The following GATAD1 variants were observed in gnomAD, a reference collection of about 807,000 sequenced individuals.
GATAD1 encodes the protein GATA zinc finger domain containing 1, also known as GATA zinc finger domain-containing protein 1.
GATAD1 carries 12 observed loss-of-function variants against 26.5 expected under a neutral mutation model. The observed-to-expected ratio is 0.45, with a 90% CI of 0.29 to 0.73. GATAD1 has a LOEUF of 0.73. Among genes scored for constraint, GATAD1 ranks in the 30% least tolerant of loss-of-function variants. GATAD1 has a pLI of 0.10. For synonymous variants in GATAD1, 129 were observed against 133.1 expected (o/e 0.97, Z 0.21); for missense variants, 266 against 342.1 (o/e 0.78, Z 1.75).
chr7:92,458,525 A>G lies in GATAD1; in HGVS notation c.*1963A>G, dbSNP rs1350890757. ...TCTTTGCCGGTTAAGTAAGGGAGCAACACGTAAAATGGGAGAGGAGTGGGG... is the reference window on the plus strand; with the variant it reads ...TCTTTGCCGGTTAAGTAAGGGAGCAGCACGTAAAATGGGAGAGGAGTGGGG... On this transcript the variant is annotated 3_prime_UTR_variant, in exon 5 of 5. Coordinates refer to ENST00000287957, the MANE Select transcript of GATAD1 (RefSeq NM_021167.5). 1 of 152,218 alleles carries G rather than the reference A, an allele frequency of 6.6e-6. No individual in the cohort carries two copies. The highest frequency in any genetic ancestry group is 1.5e-5 in the Non-Finnish European group (1 of 68,044). 9.4% of individuals were successfully genotyped at this position (152,218 alleles called of 1,614,324 possible).
Position 92,447,851 on chromosome 7 carries a change from GCGGGGGCGCAGGCT to G in GATAD1, c.131_144del (p.Ala44GlyfsTer37). 1 of 1,386,240 alleles carries G rather than the reference GCGGGGGCGCAGGCT, an allele frequency of 7.2e-7. No homozygotes were observed. The highest frequency in any genetic ancestry group is 9.4e-7 in the Non-Finnish European group (1 of 1,065,748). 85.9% of individuals were successfully genotyped at this position (1,386,240 alleles called of 1,614,324 possible). ...TGCACTGGCCGGGGCGGCGCGGGCA[GCGGGGGCGCAGGCT>G]CGGGGGCGGCTGGAGGGACTGGGGG... On this transcript the variant is annotated frameshift_variant, in exon 1 of 5. Transcript: ENST00000287957. LOFTEE classifies it high-confidence loss of function.
intron 4 of GATAD1, 127 bp from the exon 5 acceptor site, chr7:92,456,245 T>A (rs531449261): frequency 3.6e-6 from 2 of 551,378 alleles, no homozygotes; most frequent in East Asian, 5.9e-5. Context: ...AAGTAATGCA[T>A]GTTTCAAGGG....
chr7:92,490,200 T>C, the GATAD1 span: 2 of 384,374 alleles, frequency 5.2e-6, no homozygotes, highest in South Asian at 6.6e-5. Context: ...AGGACAGGTT[T>C]CTTCATTTTC....
At chr7:92,478,072 C>T in the GATAD1 span, 6 of 152,170 alleles carry the variant, frequency 3.9e-5, no homozygotes, top group African/African-American at 1.4e-4. Context: ...AGTGAGCTCT[C>T]TGATTGGTCA....
chr7:92,454,233 C>A, intron 3 of GATAD1: 1 of 367,380 alleles, frequency 2.7e-6, no homozygotes, highest in Non-Finnish European at 4.9e-6. Flanking sequence ...GATGGTATTA[C>A]GGCAATATAA....
At chr7:92,494,454 A>G in the GATAD1 span, 3 of 1,612,268 alleles carry the variant, frequency 1.9e-6, no homozygotes, top group Admixed American at 3.3e-5. Context: ...ACATTTTGTT[A>G]TAACATTCTA....
chr7:92,476,186 C>A, the GATAD1 span, among the ~76,000 whole-genome samples: 1 of 152,222 alleles, frequency 6.6e-6, no homozygotes. Context: ...AGTTACATTA[C>A]CTTTTTCTAA....
Position 92,456,451 on chromosome 7 carries a change from G to A in GATAD1, c.699G>A (p.Arg233=). Residue 233 remains arginine (R), a synonymous_variant, in exon 5 of 5, where the codon CGG becomes CGA. Transcript: ENST00000287957. ...CACCTTCTGAGTATTTCAAGTCACG[G>A]TCATCACCATTTCCCACAGTTCCCA... is the stretch of plus-strand genomic sequence containing the variant. ...CHAPSEYFKS[R]SSPFPTVPTR... is the part of the protein sequence containing the mutation. The A allele has an allele frequency of 1.2e-6, 2 of 1,612,284 alleles. No homozygotes were observed. The highest frequency in any genetic ancestry group is 1.7e-6 in the Non-Finnish European group (2 of 1,178,350).
downstream of GATAD1, among the ~76,000 whole-genome samples, chr7:92,462,536 T>A (rs111504973): frequency 1.2e-4 from 19 of 152,314 alleles, 1 homozygote; most frequent in African/African-American, 4.3e-4. Context: ...ACTTACGTAG[T>A]CAGGAAAAAA....
the GATAD1 span, among the ~76,000 whole-genome samples, chr7:92,475,804 C>T: frequency 6.6e-6 from 1 of 152,154 alleles, no homozygotes; most frequent in Non-Finnish European, 1.5e-5. Flanking sequence ...ACCCAGCTGC[C>T]CCATCAAGAT....
chr7:92,453,174 C>T (rs1298041832), intron 3 of GATAD1, among the ~76,000 whole-genome samples: 2 of 152,212 alleles, frequency 1.3e-5, no homozygotes, highest in African/African-American at 4.8e-5. Context: ...AGTATTTCCT[C>T]AAAAGTGTTT....
At chr7:92,483,154 G>A in the GATAD1 span, among the ~76,000 whole-genome samples, 2 of 152,176 alleles carry the variant, frequency 1.3e-5, no homozygotes, top group African/African-American at 2.4e-5. Flanking sequence ...TGGACAGTCC[G>A]ATTTCCAGTG....
At chr7:92,494,672 T>C in the GATAD1 span, 2 of 1,592,934 alleles carry the variant, frequency 1.3e-6, no homozygotes, top group Non-Finnish European at 1.7e-6. Context: ...TCAGGCTTCA[T>C]AGTTGGCAAA....
the GATAD1 span, chr7:92,487,221 G>T: frequency 1.4e-5 from 4 of 288,134 alleles, no homozygotes; most frequent in East Asian, 6.0e-5. Flanking sequence ...ATTAAAGACT[G>T]AATTTAGATT....
chr7:92,470,127 A>G, the GATAD1 span: 1 of 778,830 alleles, frequency 1.3e-6, no homozygotes, highest in Non-Finnish European at 2.4e-6. Flanking sequence ...CTGTCCAATA[A>G]TGAGTATTTG....
the GATAD1 span, among the ~76,000 whole-genome samples, chr7:92,466,261 G>A: frequency 6.6e-6 from 1 of 152,082 alleles, no homozygotes; most frequent in African/African-American, 2.4e-5. Flanking sequence ...CCACCTCCCA[G>A]GCTCAAGTGA....
At chr7:92,494,724 TTATA>T in the GATAD1 span, 1 of 767,172 alleles carries the variant, frequency 1.3e-6, no homozygotes, top group Non-Finnish European at 1.9e-6. Context: ...TTTTATGTAT[TTATA>T]TATATTTATA....
At chr7:92,486,982 G>A in the GATAD1 span, 2 of 152,528 alleles carry the variant, frequency 1.3e-5, no homozygotes, top group Non-Finnish European at 2.9e-5. Flanking sequence ...TGAATTATGT[G>A]TAAATTTCAC....
the GATAD1 span, chr7:92,489,812 C>G: frequency 1.9e-6 from 3 of 1,613,786 alleles, no homozygotes; most frequent in Non-Finnish European, 2.5e-6. Context: ...TCTTGTGAAG[C>G]TGTCCTTAAC....
Sources: allele counts gnomAD v4.1 joint callset (sites outside exome capture counted in the v4.1 genomes callset), GRCh38; gene constraint gnomAD v4.1.1; transcripts MANE v1.5; gene names NCBI Gene and HGNC (gene_info 2026-07-23, HGNC 2026-07-21).